The following SULF1 variants were observed in gnomAD, a reference collection of about 807,000 sequenced individuals.
The protein encoded by SULF1 is sulfatase 1.
Under a neutral mutation model 110.5 loss-of-function variants are expected in SULF1, and 46 were observed. That is an observed-to-expected ratio of 0.42 (90% confidence interval 0.33 to 0.53). The LOEUF (loss-of-function observed/expected upper bound fraction) is 0.53. Among genes scored for constraint, SULF1 ranks in the 20% least tolerant of loss-of-function variants. The probability of loss-of-function intolerance (pLI) is 0.12; values close to 1 mark genes in which losing one functional copy is unlikely to be tolerated. For synonymous variants in SULF1, 371 were observed against 387.1 expected, an observed-to-expected ratio of 0.96 and a Z score of 0.49; for missense variants, 941 against 1,094.2, an observed-to-expected ratio of 0.86 and a Z score of 1.98.
At position 69,528,394 on chromosome 8, in the gene SULF1, G is replaced by A. The variant is rs186933972; in HGVS notation, c.-134+26426G>A. ...AATAGGAATGGGATTGGAAGAGCTT[G>A]TAGACAGACGTGGATTCCAATCTCT... On this transcript the variant is annotated intron_variant, in intron 3 of 22. Coordinates refer to ENST00000402687, the MANE Select transcript of SULF1 (RefSeq NM_001128205.2). 9.2e-4 allele frequency among the ~76,000 whole-genome samples: 140 copies of A among 152,298 alleles called. 2 individuals carry two copies. Among genetic ancestry groups the A allele is most frequent in the African/African-American group, 3.1e-3 (130 of 41,574 alleles).
chr8:69,577,326 T>C (rs1805681262), intron 6 of SULF1, among the ~76,000 whole-genome samples: 1 of 152,208 alleles, frequency 6.6e-6, no homozygotes, highest in Non-Finnish European at 1.5e-5. Flanking sequence ...AACATCCCTG[T>C]AGAGTTCATA....
In SULF1 at chr8:69,601,696, T is replaced by C; in HGVS notation, c.928T>C (p.Tyr310His). The change falls in exon 10 of 23, where the codon TAC (tyrosine) becomes CAC (histidine). Residue 310 changes from tyrosine to histidine, a missense_variant. Coordinates refer to ENST00000402687, the MANE Select transcript of SULF1 (RefSeq NM_001128205.2). ...GGAGACGGGGGAGCTGGAGAATACT[T>C]ACATCATTTACACCGCCGACCATGG... is the stretch of plus-strand genomic sequence containing the variant. ...LVETGELENT[Y>H]IIYTADHGYH... 1 of 1,613,196 alleles carries C rather than the reference T, an allele frequency of 6.2e-7. No homozygotes were observed. The highest frequency in any genetic ancestry group is 8.5e-7 in the Non-Finnish European group (1 of 1,179,684).
At chr8:69,499,283 A>G (rs1238464588) in intron 2 of SULF1, among the ~76,000 whole-genome samples, 1 of 152,224 alleles carries the variant, frequency 6.6e-6, no homozygotes, top group Non-Finnish European at 1.5e-5. Context: ...TACTATTAAA[A>G]TTTCAAAATA....
intron 5 of SULF1, among the ~76,000 whole-genome samples, chr8:69,574,119 C>T (rs973550625): frequency 6.6e-6 from 1 of 152,222 alleles, no homozygotes; most frequent in Non-Finnish European, 1.5e-5. Context: ...GATTGCAATC[C>T]ACTGCAGCAG....
intron 3 of SULF1, among the ~76,000 whole-genome samples, chr8:69,537,799 C>G: frequency 6.6e-6 from 1 of 152,162 alleles, no homozygotes; most frequent in Middle Eastern, 3.2e-3. Flanking sequence ...TTCAACTTCT[C>G]GCTTTCTTCA....
intron 3 of SULF1, among the ~76,000 whole-genome samples, chr8:69,562,131 T>A (rs12335132): frequency 2.0e-5 from 3 of 152,362 alleles, no homozygotes; most frequent in African/African-American, 7.2e-5. Context: ...CGATTTCTTC[T>A]TGTCTCTTTC....
intron 2 of SULF1, among the ~76,000 whole-genome samples, chr8:69,498,148 C>T (rs1810511665): frequency 2.0e-5 from 3 of 148,472 alleles, no homozygotes; most frequent in African/African-American, 7.4e-5. Context: ...CACACACACA[C>T]TCACAAGCAC....
intron 2 of SULF1, among the ~76,000 whole-genome samples, chr8:69,497,859 C>G (rs1051565668): frequency 3.9e-5 from 6 of 152,086 alleles, no homozygotes; most frequent in African/African-American, 1.4e-4. Context: ...CAAAGCCAAA[C>G]CAAACTCTTA....
At chr8:69,549,687 G>A (rs1175456237) in intron 3 of SULF1, among the ~76,000 whole-genome samples, 1 of 152,102 alleles carries the variant, frequency 6.6e-6, no homozygotes, top group Non-Finnish European at 1.5e-5. Flanking sequence ...GGAAAAGCAA[G>A]CACCCCAGTA....
intron 21 of SULF1, among the ~76,000 whole-genome samples, chr8:69,640,187 A>T (rs994861916): frequency 4.4e-5 from 2 of 45,128 alleles, no homozygotes; most frequent in Non-Finnish European, 6.2e-5. Context: ...AAGAGAAAAG[A>T]AAGAAAGAGA....
At chr8:69,565,478 C>A (rs1294097726) in intron 5 of SULF1, among the ~76,000 whole-genome samples, 1 of 152,056 alleles carries the variant, frequency 6.6e-6, no homozygotes. Flanking sequence ...TAAACATATC[C>A]TTGCCCTCTG....
At chr8:69,479,830 T>C (rs1288235349) in intron 1 of SULF1, among the ~76,000 whole-genome samples, 1 of 152,138 alleles carries the variant, frequency 6.6e-6, no homozygotes, top group Non-Finnish European at 1.5e-5. Flanking sequence ...CTAAAAAGTA[T>C]GAGTCGGTAA....
At chr8:69,549,416 C>T (rs190974292) in intron 3 of SULF1, among the ~76,000 whole-genome samples, 217 of 152,206 alleles carry the variant, frequency 1.4e-3, no homozygotes, top group African/African-American at 5.0e-3. Context: ...TGAGGTATTA[C>T]TGTGAATAGC....
intron 22 of SULF1, among the ~76,000 whole-genome samples, chr8:69,643,274 T>C (rs1221636057): frequency 6.6e-6 from 1 of 152,244 alleles, no homozygotes; most frequent in African/African-American, 2.4e-5. Flanking sequence ...TGAGAACAGA[T>C]GCAAAACAAG....
At chr8:69,522,736 G>T (rs958002456) in intron 3 of SULF1, among the ~76,000 whole-genome samples, 1 of 152,126 alleles carries the variant, frequency 6.6e-6, no homozygotes, top group Non-Finnish European at 1.5e-5. Context: ...CTTGGAAGCC[G>T]AATGAAGACA....
chr8:69,470,017 G>T (rs1809016540), intron 1 of SULF1, among the ~76,000 whole-genome samples: 1 of 152,106 alleles, frequency 6.6e-6, no homozygotes, highest in Non-Finnish European at 1.5e-5. Context: ...ACTGCAGCCT[G>T]GGTGACAAGA....
intron 13 of SULF1, among the ~76,000 whole-genome samples, chr8:69,620,145 A>G (rs1368144717): frequency 6.6e-6 from 1 of 152,036 alleles, no homozygotes; most frequent in Non-Finnish European, 1.5e-5. Context: ...TGGCCGCTGG[A>G]TGGCCACACT....
chr8:69,530,369 G>A (rs1813001177), intron 3 of SULF1, among the ~76,000 whole-genome samples: 1 of 152,140 alleles, frequency 6.6e-6, no homozygotes, highest in South Asian at 2.1e-4. Flanking sequence ...TGTCTATGTG[G>A]AATCTTAGGC....
intron 7 of SULF1, 150 bp downstream of exon 7, chr8:69,586,658 G>T: frequency 1.1e-6 from 1 of 908,838 alleles, no homozygotes; most frequent in Non-Finnish European, 1.6e-6. Context: ...TAAACTCTAG[G>T]CAAGGAAAAG....
Sources: gnomAD v4.1 joint callset for allele counts (sites outside exome capture counted in the v4.1 genomes callset) on GRCh38, gnomAD v4.1.1 for gene constraint, MANE v1.5 for transcripts, NCBI Gene and HGNC (gene_info 2026-07-23, HGNC 2026-07-21) for gene names.